Variants in SLC8A1 observed in about 807,000 individuals in gnomAD.
SLC8A1 encodes the protein solute carrier family 8 member A1, also known as sodium/calcium exchanger 1.
SLC8A1 carries 18 observed loss-of-function variants against 68.3 expected under a neutral mutation model. The observed-to-expected ratio is 0.26, with a 90% CI of 0.18 to 0.39. The LOEUF is 0.39. Ranked by LOEUF, SLC8A1 falls within the 10% of genes least tolerant of loss-of-function variation. The pLI, the probability that SLC8A1 is intolerant of heterozygous loss-of-function variation, is 1.00. For synonymous variants in SLC8A1, 475 were observed against 415.5 expected (o/e 1.14, Z -1.74); for missense variants, 985 against 1,156.7 (o/e 0.85, Z 2.15).
chr2:40,389,360 G>A (rs1224493089), intron 2 of SLC8A1, among the ~76,000 whole-genome samples: 1 of 151,956 alleles, frequency 6.6e-6, no homozygotes, highest in Non-Finnish European at 1.5e-5. Flanking sequence ...ACCCTTTGGT[G>A]CCAGCCTTAA....
At chr2:40,324,302 C>T (rs188403682) in intron 2 of SLC8A1, among the ~76,000 whole-genome samples, 26 of 152,172 alleles carry the variant, frequency 1.7e-4, no homozygotes, top group Non-Finnish European at 3.5e-4. Context: ...AGAGGGGAAA[C>T]GCTCACAAAA....
At chr2:40,372,496 C>T (rs968073520) in intron 2 of SLC8A1, among the ~76,000 whole-genome samples, 7 of 152,114 alleles carry the variant, frequency 4.6e-5, no homozygotes, top group African/African-American at 9.7e-5. Context: ...ACTACCATGG[C>T]AAACATCAAA....
chr2:40,352,229 A>G (rs934347857), intron 2 of SLC8A1, among the ~76,000 whole-genome samples: 1 of 152,126 alleles, frequency 6.6e-6, no homozygotes, highest in Non-Finnish European at 1.5e-5. Context: ...GAACAATTCA[A>G]TTTAGGAATA....
In SLC8A1 at chr2:40,157,925, A is replaced by C. The variant is rs950773968; in HGVS notation, c.2161+2840T>G. ...GGGTTGGCAGAATCATTATGGTCAC[A>C]GGAGGCCCAAGTACTGAGCTATGAA... On this transcript the variant is annotated intron_variant, in intron 6 of 7. Coordinates refer to ENST00000406785, the Ensembl canonical transcript of SLC8A1. Among the ~76,000 whole-genome samples the C allele has an allele frequency of 2.6e-4, 40 of 152,324 alleles. 1 individual carries two copies. The highest frequency in any genetic ancestry group is 8.2e-4 in the African/African-American group (34 of 41,574).
intron 5 of SLC8A1, among the ~76,000 whole-genome samples, chr2:40,162,394 A>G (rs2045837775): frequency 6.6e-6 from 1 of 152,254 alleles, no homozygotes; most frequent in African/African-American, 2.4e-5. Flanking sequence ...AGTTCTCTCC[A>G]AAGAGGCACT....
intron 2 of SLC8A1, among the ~76,000 whole-genome samples, chr2:40,424,694 A>G (rs1696401162): frequency 3.3e-5 from 5 of 151,876 alleles, no homozygotes; most frequent in Admixed American, 3.3e-4. Flanking sequence ...CTGATATTCT[A>G]AGGAGTATAT....
chr2:40,254,067 G>T (rs1204508752), intron 2 of SLC8A1, among the ~76,000 whole-genome samples: 3 of 152,098 alleles, frequency 2.0e-5, no homozygotes, highest in Non-Finnish European at 4.4e-5. Context: ...TGTTTGAGAT[G>T]ACGGATATTC....
At chr2:40,500,997 T>G (rs372749326) in intron 1 of SLC8A1, among the ~76,000 whole-genome samples, 1 of 151,868 alleles carries the variant, frequency 6.6e-6, no homozygotes, top group African/African-American at 2.4e-5. Context: ...ATATCTCTGA[T>G]GTAATGTTCG....
chr2:40,225,467 T>C (rs1168577688), intron 2 of SLC8A1, among the ~76,000 whole-genome samples: 1 of 149,676 alleles, frequency 6.7e-6, no homozygotes, highest in African/African-American at 2.4e-5. Flanking sequence ...GCATTTGTCC[T>C]ATTCTCTTCT....
At chr2:40,506,036 T>C (rs1271384442) in intron 1 of SLC8A1, among the ~76,000 whole-genome samples, 1 of 151,804 alleles carries the variant, frequency 6.6e-6, no homozygotes, top group Non-Finnish European at 1.5e-5. Context: ...TTCTCAGAGC[T>C]AGTCATGTGT....
intron 2 of SLC8A1, among the ~76,000 whole-genome samples, chr2:40,391,189 AT>A (rs373906356): frequency 2.4e-4 from 5 of 20,936 alleles, no homozygotes; most frequent in African/African-American, 8.9e-4. Context: ...GTGTATATAT[AT>A]TACACACACA....
intron 6 of SLC8A1, among the ~76,000 whole-genome samples, chr2:40,151,704 T>A (rs1292411847): frequency 6.6e-6 from 1 of 152,198 alleles, no homozygotes; most frequent in East Asian, 1.9e-4. Context: ...CAAAGCAATT[T>A]AGAAACCATT....
intron 2 of SLC8A1, among the ~76,000 whole-genome samples, chr2:40,394,085 A>G (rs1418335765): frequency 2.0e-5 from 3 of 151,982 alleles, no homozygotes; most frequent in East Asian, 3.9e-4. Flanking sequence ...ATGCTGCTAA[A>G]CATCCTACAG....
At chr2:40,507,481 G>T (rs1054452088) in intron 1 of SLC8A1, among the ~76,000 whole-genome samples, 1 of 151,932 alleles carries the variant, frequency 6.6e-6, no homozygotes, top group Non-Finnish European at 1.5e-5. Context: ...AAACTAAGTG[G>T]ACTGTAATCT....
rs867909832 is a variant in SLC8A1 at position 40,301,649 on chromosome 2, G to C, written c.1809-123794C>G. Among the ~76,000 whole-genome samples, 56 of 152,334 alleles carry C rather than the reference G, an allele frequency of 3.7e-4. 1 individual carries two copies. Among genetic ancestry groups the C allele is most frequent in the African/African-American group, 1.3e-3 (53 of 41,582 alleles). On this transcript the variant is annotated intron_variant, in intron 2 of 7. Transcript: ENST00000406785. The stretch of plus-strand genomic sequence containing the variant: ...CTACAAATTGGGGCTGGGTGCGGTG[G>C]CTTACGCCTATAATCCCAGCACATT...
At chr2:40,157,565 T>G (rs1205068271) in intron 6 of SLC8A1, among the ~76,000 whole-genome samples, 1 of 152,192 alleles carries the variant, frequency 6.6e-6, no homozygotes, top group Non-Finnish European at 1.5e-5. Flanking sequence ...CTGACACACT[T>G]GTTTCCCTTG....
intron 2 of SLC8A1, among the ~76,000 whole-genome samples, chr2:40,183,994 A>G (rs116301525): frequency 0.014 from 2,149 of 152,206 alleles, 57 homozygotes; most frequent in African/African-American, 0.049. Flanking sequence ...TGTTTCTACG[A>G]AAAATCAAAA....
intron 7 of SLC8A1, among the ~76,000 whole-genome samples, chr2:40,122,196 A>ATG (rs1324605263): frequency 9.0e-6 from 1 of 111,664 alleles, no homozygotes; most frequent in Non-Finnish European, 2.1e-5. Flanking sequence ...TCACAAGTGC[A>ATG]TGCGCGCGCG....
intron 2 of SLC8A1, chr2:40,189,666 T>C (rs2148639633): frequency 6.6e-6 from 1 of 152,262 alleles, no homozygotes; most frequent in Middle Eastern, 3.4e-3. Context: ...ATTTGAGAAA[T>C]GCAGAAATGA....
Sources: gnomAD v4.1 joint callset for allele counts (sites outside exome capture counted in the v4.1 genomes callset) on GRCh38, gnomAD v4.1.1 for gene constraint, MANE v1.5 for transcripts, NCBI Gene and HGNC (gene_info 2026-07-23, HGNC 2026-07-21) for gene names.